PLEKHB2: variants seen among roughly 807,000 people sequenced by gnomAD.
PLEKHB2 encodes the protein pleckstrin homology domain containing B2.
Under a neutral mutation model 36.5 loss-of-function variants are expected in PLEKHB2, and 31 were observed. The ratio of observed to expected loss-of-function variants is 0.85; its 90% confidence interval spans 0.64 to 1.15. PLEKHB2 has a LOEUF of 1.15. Ranked by LOEUF, PLEKHB2 falls within the 50% of genes most tolerant of loss-of-function variation. The pLI, the probability that PLEKHB2 is intolerant of heterozygous loss-of-function variation, is 0.00. For synonymous variants in PLEKHB2, 119 were observed against 112.0 expected, an observed-to-expected ratio of 1.06 and a Z score of -0.39; for missense variants, 262 against 295.3, an observed-to-expected ratio of 0.89 and a Z score of 0.83.
At chr2:131,134,503 A>G (rs889269313) in intron 6 of PLEKHB2, among the ~76,000 whole-genome samples, 3 of 152,162 alleles carry the variant, frequency 2.0e-5, no homozygotes, top group African/African-American at 7.2e-5. Flanking sequence ...TTAATTTTTT[A>G]TAAGATAGAT....
chr2:131,121,049 T>C, intron 2 of PLEKHB2, 71 bp downstream of exon 2: 1 of 1,475,514 alleles, frequency 6.8e-7, no homozygotes, highest in Non-Finnish European at 9.4e-7. Flanking sequence ...TGCTTAAAGT[T>C]GATCATATTT....
At chr2:131,116,764 T>A (rs1695922805) in intron 1 of PLEKHB2, among the ~76,000 whole-genome samples, 2 of 152,118 alleles carry the variant, frequency 1.3e-5, no homozygotes, top group Admixed American at 1.3e-4. Context: ...ACCCACACAA[T>A]TAGTACATAA....
intron 1 of PLEKHB2, among the ~76,000 whole-genome samples, chr2:131,112,092 G>A (rs992822841): frequency 2.6e-5 from 4 of 152,122 alleles, no homozygotes; most frequent in Non-Finnish European, 4.4e-5. Flanking sequence ...ACACCTATGC[G>A]ACTTTAGAGG....
chr2:131,144,849 C>G (rs1699126381), intron 7 of PLEKHB2, among the ~76,000 whole-genome samples: 1 of 152,202 alleles, frequency 6.6e-6, no homozygotes, highest in Non-Finnish European at 1.5e-5. Context: ...TAGGTCAGCT[C>G]ACAAGTTCTA....
At chr2:131,121,071 A>T (rs1003981372) in intron 2 of PLEKHB2, 93 bp downstream of exon 2, 16 of 1,293,330 alleles carry the variant, frequency 1.2e-5, no homozygotes, top group Non-Finnish European at 1.5e-5. Context: ...AAAGCAAATA[A>T]CAAAGTTTTA....
intron 1 of PLEKHB2, among the ~76,000 whole-genome samples, chr2:131,117,510 A>G (rs1261203404): frequency 6.6e-6 from 1 of 152,178 alleles, no homozygotes; most frequent in Admixed American, 6.5e-5. Flanking sequence ...TGTGTCCTGT[A>G]ACCGCCTGCG....
At chr2:131,126,589 A>T in intron 3 of PLEKHB2, 95 bp from the exon 4 acceptor site, 4 of 739,876 alleles carry the variant, frequency 5.4e-6, no homozygotes, top group African/African-American at 1.8e-5. Flanking sequence ...CACTTGATTT[A>T]TTGTCTAGTC....
intron 6 of PLEKHB2, among the ~76,000 whole-genome samples, chr2:131,135,482 C>A (rs1698147404): frequency 6.6e-6 from 1 of 152,168 alleles, no homozygotes; most frequent in East Asian, 1.9e-4. Context: ...TTCTTTGTAA[C>A]CTTTATGCCT....
Position 131,132,976 on chromosome 2 carries a change from T to A in PLEKHB2, c.408T>A (p.Ala136=), listed in dbSNP as rs1697867181. The change falls in exon 6 of 8, where the codon GCT becomes GCA. Residue 136 remains alanine (A), a synonymous_variant. Coordinates refer to ENST00000693505, the MANE Select transcript of PLEKHB2 (RefSeq NM_001100623.2). ...VSSPPPYTAY[A]APAPEQAYGY... is the part of the protein sequence containing the mutation. ...CACCTCCACCATACACGGCCTATGC[T>A]GCACCGGCCCCTGAGGTAGGGAGAA... The A allele has an allele frequency of 1.2e-6, 2 of 1,613,578 alleles. No homozygotes were observed. Among genetic ancestry groups the A allele is most frequent in the Middle Eastern group, 1.7e-4 (1 of 6,060 alleles).
At chr2:131,112,126 C>A (rs1559047338) in intron 1 of PLEKHB2, among the ~76,000 whole-genome samples, 2 of 152,192 alleles carry the variant, frequency 1.3e-5, no homozygotes, top group Non-Finnish European at 1.5e-5. Context: ...TGTCTGCCCC[C>A]CAACCTTCCA....
At position 131,147,248 on chromosome 2, in the gene PLEKHB2, A is replaced by C. The variant is rs1385838534; in HGVS notation, c.*475A>C. Reference sequence around the variant, plus strand: ...AGGAGTTGTGGGTTGGTAAGCTCCCAGGTACTTCCCGAGGCTATGGTGTGA... The same window carrying C: ...AGGAGTTGTGGGTTGGTAAGCTCCCCGGTACTTCCCGAGGCTATGGTGTGA... On this transcript the variant is annotated 3_prime_UTR_variant, in exon 8 of 8. Transcript: ENST00000693505. 6.6e-6 allele frequency: 1 copy of C among 152,340 alleles called. No homozygotes were observed. Among genetic ancestry groups the C allele is most frequent in the Admixed American group, 6.5e-5 (1 of 15,288 alleles). 9.4% of individuals were successfully genotyped at this position (152,340 alleles called of 1,614,324 possible).
chr2:131,114,025 A>G (rs918328933), intron 1 of PLEKHB2, among the ~76,000 whole-genome samples: 5 of 151,738 alleles, frequency 3.3e-5, no homozygotes, highest in African/African-American at 1.2e-4. Context: ...GCCATATTTT[A>G]TGTTAGTTGA....
chr2:131,122,201 C>T (rs1257801489), intron 2 of PLEKHB2, among the ~76,000 whole-genome samples: 1 of 152,108 alleles, frequency 6.6e-6, no homozygotes, highest in Non-Finnish European at 1.5e-5. Context: ...AGGCGTGAGC[C>T]ACCGCGCCCG....
rs1184950239 is a variant in PLEKHB2, at chr2:131,148,606, AC to A, written c.*1835del. 6.6e-6 allele frequency: 1 copy of A among 152,218 alleles called. No individual in the cohort carries two copies. Among genetic ancestry groups the A allele is most frequent in the Non-Finnish European group, 1.5e-5 (1 of 68,062 alleles). The allele number at this position is 152,218 out of a possible 1,614,324, so 9.4% of individuals were successfully genotyped here. On this transcript the variant is annotated 3_prime_UTR_variant, in exon 8 of 8. Transcript: ENST00000693505. ...CTCCCTCTGAGGCCAACTTAGGCCA[AC>A]CTACATAGGACTCCATCTTTAGCGA...
At position 131,123,766 on chromosome 2, in the gene PLEKHB2, A is replaced by ACTCCC. The variant is rs1696780168; in HGVS notation, c.38-1986_38-1985insTCCCC. ...TCTTGAACTTCTGACCTCCTGGTCC[A>ACTCCC]CCCCCCCCACCCCCCCCCCCGCCCC... On this transcript the variant is annotated intron_variant, in intron 2 of 7. Transcript: ENST00000693505. Among the ~76,000 whole-genome samples, 14 of 11,530 alleles carry ACTCCC rather than the reference A, an allele frequency of 1.2e-3. 2 individuals carry two copies. Among genetic ancestry groups the ACTCCC allele is most frequent in the African/African-American group, 4.5e-3 (14 of 3,120 alleles). 7.6% of individuals were successfully genotyped at this position (11,530 alleles called of 152,430 possible).
intron 1 of PLEKHB2, 121 bp from the exon 2 acceptor site, chr2:131,120,813 G>T (rs1225915676): frequency 2.2e-6 from 2 of 923,842 alleles, no homozygotes; most frequent in Admixed American, 3.9e-5. Flanking sequence ...GGGGCACTGA[G>T]CTAAAATGGC....
intron 2 of PLEKHB2, among the ~76,000 whole-genome samples, chr2:131,123,031 AC>A (rs951795155): frequency 6.6e-6 from 1 of 152,192 alleles, no homozygotes; most frequent in African/African-American, 2.4e-5. Context: ...TGCTCTGTCA[AC>A]ATAGTGATCA....
At chr2:131,143,145 G>A (rs1404732187) in intron 7 of PLEKHB2, among the ~76,000 whole-genome samples, 1 of 152,148 alleles carries the variant, frequency 6.6e-6, no homozygotes, top group South Asian at 2.1e-4. Flanking sequence ...GCAGTTGAAG[G>A]TAGGCTATGC....
chr2:131,108,342 T>C (rs529226624), intron 1 of PLEKHB2, among the ~76,000 whole-genome samples: 1 of 152,346 alleles, frequency 6.6e-6, no homozygotes, highest in East Asian at 1.9e-4. Context: ...TGTTTTATTC[T>C]CTAGAGACCA....
Sources: allele counts gnomAD v4.1 joint callset (sites outside exome capture counted in the v4.1 genomes callset), GRCh38; gene constraint gnomAD v4.1.1; transcripts MANE v1.5; gene names NCBI Gene and HGNC (gene_info 2026-07-23, HGNC 2026-07-21).